ABCG4: variants seen among roughly 807,000 people sequenced by gnomAD.
ABCG4 encodes ATP-binding cassette sub-family G member 4.
Under a neutral mutation model 64.6 loss-of-function variants are expected in ABCG4, and 35 were observed. The observed-to-expected ratio is 0.54, with a 90% confidence interval of 0.41 to 0.72. ABCG4 has a LOEUF of 0.72. Among genes scored for constraint, ABCG4 ranks in the 30% least tolerant of loss-of-function variants. ABCG4 has a pLI of 0.00. For missense variants in ABCG4, 610 were observed against 846.3 expected (o/e 0.72, Z 3.46); for synonymous variants, 326 against 348.2 (o/e 0.94, Z 0.71).
chr11:119,156,591 A>G lies in ABCG4; in HGVS notation c.838A>G (p.Ile280Val). The change falls in exon 8 of 15, where the codon ATC becomes GTC. Residue 280 changes from isoleucine to valine, a missense_variant. By Grantham distance (29) the Ile-to-Val change is conservative (BLOSUM62 3). Coordinates refer to ENST00000619701, the MANE Select transcript of ABCG4 (RefSeq NM_022169.5). This position sits in a 1 kb window ranked among gnomAD's most constrained non-coding sequence, Gnocchi z 5.5. The part of the protein sequence containing the change: ...KLYILSQGQC[I>V]FKGVVTNLIP... ...CTACATCCTGAGCCAGGGTCAGTGC[A>G]TCTTCAAAGGCGTGGTCACCAACCT... The G allele has an allele frequency of 6.2e-7, 1 of 1,614,134 alleles. No individual in the cohort carries two copies. Among genetic ancestry groups the G allele is most frequent in the Non-Finnish European group, 8.5e-7 (1 of 1,180,018 alleles).
Position 119,160,691 on chromosome 11 carries a change from C to T in ABCG4, c.1715+35C>T, listed in dbSNP as rs1414707672. 1.9e-6 allele frequency: 3 copies of T among 1,592,048 alleles called. No homozygotes were observed. Among genetic ancestry groups the T allele is most frequent in the East Asian group, 4.5e-5 (2 of 44,756 alleles). On this transcript the variant is annotated intron_variant, in intron 14 of 14. Coordinates refer to ENST00000619701, the MANE Select transcript of ABCG4 (RefSeq NM_022169.5). This position sits in a 1 kb window ranked among gnomAD's most constrained non-coding sequence, Gnocchi z 4.6. The stretch of plus-strand genomic sequence containing the variant: ...CCTGCCCTCCTCGTTGGCCTCTGCT[C>T]CTCCCTGGAGGAGTCCATACCCAGG...
At position 119,149,710 on chromosome 11, in the gene ABCG4, C is replaced by A; in HGVS notation, c.-12-244C>A. On this transcript the variant is annotated intron_variant, in intron 1 of 14. Transcript: ENST00000619701. This position sits in a 1 kb window ranked among gnomAD's most constrained non-coding sequence, Gnocchi z 8.3. ...CGGGGTAAGGAGATTAGAGAAGCCG[C>A]CGGGAGGAAGGAGCGATTGAGGGCT... The A allele has an allele frequency of 1.7e-6, 1 of 582,420 alleles. No individual in the cohort carries two copies. Among genetic ancestry groups the A allele is most frequent in the Non-Finnish European group, 3.0e-6 (1 of 336,578 alleles). 36.1% of individuals were successfully genotyped at this position (582,420 alleles called of 1,614,324 possible). A position where few individuals can be genotyped will look rare whatever the true frequency, so the allele number is the denominator to read the frequency against.
rs750967405 is a variant in ABCG4, at chr11:119,158,631, C to T, written c.1242C>T (p.Gly414=). 13 of 1,614,028 alleles carry T rather than the reference C, an allele frequency of 8.1e-6. No homozygotes were observed. The East Asian group carries it at 8.9e-5, about 11-fold the overall frequency. ...TCGGCCTCCTCTACCTGCATATTGG[C>T]GACGATGCCAGCAAGGTCTTCAACA... ...VLIGLLYLHI[G]DDASKVFNNT... Residue 414 remains glycine (G), a synonymous_variant, in exon 11 of 15, where the codon GGC becomes GGT. Coordinates refer to ENST00000619701, the MANE Select transcript of ABCG4 (RefSeq NM_022169.5). This position sits in a 1 kb window ranked among gnomAD's most constrained non-coding sequence, Gnocchi z 4.5.
In ABCG4 at chr11:119,153,787, G is replaced by A. The variant is rs368619836; in HGVS notation, c.239-239G>A. Reference sequence around the variant, plus strand: ...CCATGAGATGTGTGGATTTTCCCACGCCTTTCAGAAGAGGATTGTTGCCTC... The same window carrying A: ...CCATGAGATGTGTGGATTTTCCCACACCTTTCAGAAGAGGATTGTTGCCTC... On this transcript the variant is annotated intron_variant, in intron 2 of 14. Transcript: ENST00000619701. 63 of 506,320 alleles carry A rather than the reference G, an allele frequency of 1.2e-4. 1 individual carries two copies. Among genetic ancestry groups the A allele is most frequent in the South Asian group, 6.1e-4 (25 of 40,742 alleles). The allele number at this position is 506,320 out of a possible 1,614,324, so 31.4% of individuals were successfully genotyped here. A position where few individuals can be genotyped will look rare whatever the true frequency, so the allele number is the denominator to read the frequency against.
rs781278864 is a variant in ABCG4 at position 119,161,053 on chromosome 11, C to G, written c.1888C>G (p.Leu630Val). 2 of 1,614,062 alleles carry G rather than the reference C, an allele frequency of 1.2e-6. No individual in the cohort carries two copies. Among genetic ancestry groups the G allele is most frequent in the Non-Finnish European group, 1.7e-6 (2 of 1,179,982 alleles). Reference protein sequence around the residue: ...FLVLGIFFLALRLLAYLVLRY... With the variant: ...FLVLGIFFLAVRLLAYLVLRY... ...GGTCTTGGGCATCTTCTTCCTAGCC[C>G]TGCGGCTGCTGGCCTACCTTGTGCT... Residue 630 changes from leucine to valine, a missense_variant, in exon 15 of 15, where the codon CTG becomes GTG. By Grantham distance (32) the Leu-to-Val change is conservative. Coordinates refer to ENST00000619701, the MANE Select transcript of ABCG4 (RefSeq NM_022169.5).
In ABCG4 at chr11:119,160,485, G is replaced by T; in HGVS notation, c.1597-53G>T. The T allele has an allele frequency of 6.2e-7, 1 of 1,608,490 alleles. No homozygotes were observed. ...GTTAGGGTGGAGCTCTAGGAAACCTGGGTTTGTCCTGGTCACCCCTATGAT... is the reference window on the plus strand; with the variant it reads ...GTTAGGGTGGAGCTCTAGGAAACCTTGGTTTGTCCTGGTCACCCCTATGAT... On this transcript the variant is annotated intron_variant, in intron 13 of 14. Transcript: ENST00000619701. The surrounding 1 kb of genome is among the most constrained non-coding windows in gnomAD (Gnocchi z 4.6).
rs543574484 is a variant in ABCG4 at position 119,158,346 on chromosome 11, C to G, written c.1167+14C>G. 1.2e-5 allele frequency: 20 copies of G among 1,613,154 alleles called. 1 individual carries two copies. In the South Asian group the frequency reaches 2.2e-4, roughly 18 times the overall value. Reference sequence around the variant, plus strand: ...CTCAGGGACACGGTGAGGCGTCAGGCTGGGGGAGAGGAGGCTGGCACAGGC... The same window carrying G: ...CTCAGGGACACGGTGAGGCGTCAGGGTGGGGGAGAGGAGGCTGGCACAGGC... On this transcript the variant is annotated intron_variant, in intron 10 of 14. Transcript: ENST00000619701. This position sits in a 1 kb window ranked among gnomAD's most constrained non-coding sequence, Gnocchi z 4.5.
Position 119,161,143 on chromosome 11 carries a change from G to C in ABCG4, c.*37G>C. 1 of 1,587,528 alleles carries C rather than the reference G, an allele frequency of 6.3e-7. No homozygotes were observed. The highest frequency in any genetic ancestry group is 2.2e-5 in the East Asian group (1 of 44,526). On this transcript the variant is annotated 3_prime_UTR_variant, in exon 15 of 15. Coordinates refer to ENST00000619701, the MANE Select transcript of ABCG4 (RefSeq NM_022169.5). ...AGCCTGTACCCCAGCCCCTGCAGCA[G>C]GAAGCCCCCAGTCCCAGCCCTTTGG...
At chr11:119,153,974 G>T (rs1195317222) in intron 2 of ABCG4, 52 bp from the exon 3 acceptor site, 12 of 1,505,844 alleles carry the variant, frequency 8.0e-6, no homozygotes, top group Admixed American at 1.7e-5. Flanking sequence ...AATTTTGGGG[G>T]TACCTCTGTT....
Position 119,154,659 on chromosome 11 carries a change from G to A in ABCG4, c.540+84G>A. The A allele has an allele frequency of 6.3e-7, 1 of 1,598,408 alleles. No homozygotes were observed. Among genetic ancestry groups the A allele is most frequent in the South Asian group, 1.1e-5 (1 of 89,164 alleles). On this transcript the variant is annotated intron_variant, in intron 5 of 14. Transcript: ENST00000619701. This position sits in a 1 kb window ranked among gnomAD's most constrained non-coding sequence, Gnocchi z 7.0. Reference sequence around the variant, plus strand: ...GCCCCGAGCTGGGAGTGGGAGAGTGGTGGCCTAGGCCGAGACAATGCACTT... The same window carrying A: ...GCCCCGAGCTGGGAGTGGGAGAGTGATGGCCTAGGCCGAGACAATGCACTT...
intron 9 of ABCG4, among the ~76,000 whole-genome samples, chr11:119,157,322 C>T (rs898297325): frequency 5.9e-5 from 9 of 152,206 alleles, no homozygotes; most frequent in African/African-American, 1.7e-4. Context: ...TGGTCCCCAG[C>T]TTAGTGGCCA....
At chr11:119,157,592 C>G (rs1054020380) in intron 9 of ABCG4, among the ~76,000 whole-genome samples, 3 of 152,160 alleles carry the variant, frequency 2.0e-5, no homozygotes, top group Non-Finnish European at 2.9e-5. Context: ...GGAATTATAC[C>G]TGGCCGGATA....
chr11:119,156,271 T>C lies in ABCG4; in HGVS notation c.687-58T>C. 1.9e-6 allele frequency: 3 copies of C among 1,611,286 alleles called. No homozygotes were observed. The Admixed American group carries it at 5.0e-5, about 27-fold the overall frequency. On this transcript the variant is annotated intron_variant, in intron 6 of 14. Transcript: ENST00000619701. The surrounding 1 kb of genome is among the most constrained non-coding windows in gnomAD (Gnocchi z 5.5). The stretch of plus-strand genomic sequence containing the variant: ...ACAGCAGCTGCCCCGCCCCAGACAC[T>C]CCCTTCTTTTGGCCTCACCCACCTC...
Position 119,158,242 on chromosome 11 carries a change from T to TC in ABCG4, c.1080dup (p.Ile361HisfsTer2). ...CAATTTCTTCTTCCCAGGAAGTGGATCCCATTGAAAGCCACACCTTTGCCA... is the reference window on the plus strand; with the variant it reads ...CAATTTCTTCTTCCCAGGAAGTGGATCCCCATTGAAAGCCACACCTTTGCCA... On this transcript the variant is annotated frameshift_variant, in exon 10 of 15. Coordinates refer to ENST00000619701, the MANE Select transcript of ABCG4 (RefSeq NM_022169.5). LOFTEE classifies it high-confidence loss of function. The surrounding 1 kb of genome is among the most constrained non-coding windows in gnomAD (Gnocchi z 4.5). 6.3e-7 allele frequency: 1 copy of TC among 1,587,634 alleles called. No individual in the cohort carries two copies. The highest frequency in any genetic ancestry group is 8.6e-7 in the Non-Finnish European group (1 of 1,161,408).
chr11:119,152,390 A>G (rs1948204756), intron 2 of ABCG4, among the ~76,000 whole-genome samples: 1 of 152,196 alleles, frequency 6.6e-6, no homozygotes, highest in Non-Finnish European at 1.5e-5. Flanking sequence ...GGAAGCATCC[A>G]GAGGGAAAGC....
In ABCG4 at chr11:119,160,744, C is replaced by T. The variant is rs1435769937; in HGVS notation, c.1715+88C>T. ...TTCCTGGGTTGTGCCAAGTCTGCTG[C>T]CTGCCCCATTATCCTTTGGGCAGGG... On this transcript the variant is annotated intron_variant, in intron 14 of 14. Coordinates refer to ENST00000619701, the MANE Select transcript of ABCG4 (RefSeq NM_022169.5). This position sits in a 1 kb window ranked among gnomAD's most constrained non-coding sequence, Gnocchi z 4.6. 40 of 1,493,086 alleles carry T rather than the reference C, an allele frequency of 2.7e-5. No homozygotes were observed. Among genetic ancestry groups the T allele is most frequent in the Non-Finnish European group, 3.5e-5 (38 of 1,075,146 alleles). 92.5% of individuals were successfully genotyped at this position (1,493,086 alleles called of 1,614,324 possible).
chr11:119,152,578 A>T (rs1948207008), intron 2 of ABCG4, among the ~76,000 whole-genome samples: 1 of 152,200 alleles, frequency 6.6e-6, no homozygotes, highest in African/African-American at 2.4e-5. Context: ...CTCACCTATG[A>T]GGCAGGTCTG....
chr11:119,162,524 C>A lies in ABCG4; in HGVS notation c.*1418C>A, dbSNP rs377116230. ...TTTCCCCTCCCCCAGGGCTCATTTTCCCCCTTTTTCCTGTACACATCCCTG... is the reference window on the plus strand; with the variant it reads ...TTTCCCCTCCCCCAGGGCTCATTTTACCCCTTTTTCCTGTACACATCCCTG... On this transcript the variant is annotated 3_prime_UTR_variant, in exon 15 of 15. Transcript: ENST00000619701. 1.5e-3 allele frequency: 232 copies of A among 152,446 alleles called. 2 individuals carry two copies. The highest frequency in any genetic ancestry group is 2.8e-3 in the Non-Finnish European group (193 of 68,108). 9.4% of individuals were successfully genotyped at this position (152,446 alleles called of 1,614,324 possible). A position where few individuals can be genotyped will look rare whatever the true frequency, so the allele number is the denominator to read the frequency against.
In ABCG4 at chr11:119,152,630, C is replaced by T. The variant is rs538860842; in HGVS notation, c.239-1396C>T. ...GGCCCTCCTTGGTGGCTTCATCCTT[C>T]CCCTCCACTTCCATGTCTCACCAGG... On this transcript the variant is annotated intron_variant, in intron 2 of 14. Coordinates refer to ENST00000619701, the MANE Select transcript of ABCG4 (RefSeq NM_022169.5). 3.9e-5 allele frequency among the ~76,000 whole-genome samples: 6 copies of T among 152,314 alleles called. No homozygotes were observed. In the South Asian group the frequency reaches 1.2e-3, roughly 32 times the overall value.
Sources: gnomAD v4.1 joint callset for allele counts (sites outside exome capture counted in the v4.1 genomes callset) on GRCh38, gnomAD v4.1.1 for gene constraint, Gnocchi (gnomAD v3.1) non-coding constraint, MANE v1.5 for transcripts, NCBI Gene and HGNC (gene_info 2026-07-23, HGNC 2026-07-21) for gene names.